The following PRKN variants were observed in gnomAD, a reference collection of about 807,000 sequenced individuals.
PRKN encodes the protein E3 ubiquitin-protein ligase parkin.
In PRKN, 56 loss-of-function variants were observed where a neutral mutation model predicts 59.5. The ratio of observed to expected loss-of-function variants is 0.94; its 90% CI spans 0.76 to 1.18. The LOEUF (loss-of-function observed/expected upper bound fraction) is 1.18, where lower values mean the gene tolerates loss of function less well. Ranked by LOEUF, PRKN falls within the 50% of genes most tolerant of loss-of-function variation. The pLI, the probability that PRKN is intolerant of heterozygous loss-of-function variation, is 0.00. For missense variants in PRKN, 657 were observed against 596.4 expected (o/e 1.10, Z -1.06); for synonymous variants, 250 against 222.1 (o/e 1.13, Z -1.12).
chr6:162,556,342 G>GGGGGGTGT (rs1175202893), intron 1 of PRKN, among the ~76,000 whole-genome samples: 94 of 57,300 alleles, frequency 1.6e-3, no homozygotes, highest in Middle Eastern at 9.6e-3. Flanking sequence ...CTACTCAGCT[G>GGGGGGTGT]GTGTGTGTGT....
intron 1 of PRKN, among the ~76,000 whole-genome samples, chr6:162,563,674 G>A (rs1224159121): frequency 6.6e-6 from 1 of 152,116 alleles, no homozygotes; most frequent in Non-Finnish European, 1.5e-5. Flanking sequence ...AACTAAATAA[G>A]GCACCAGGGA....
intron 3 of PRKN, among the ~76,000 whole-genome samples, chr6:162,244,319 A>G (rs1260198285): frequency 2.0e-5 from 3 of 152,048 alleles, no homozygotes; most frequent in Non-Finnish European, 2.9e-5. Flanking sequence ...ATTCTGTATT[A>G]AAGTACAGAG....
chr6:162,095,030 G>C (rs183861107), intron 4 of PRKN, among the ~76,000 whole-genome samples: 2 of 152,246 alleles, frequency 1.3e-5, no homozygotes, highest in Admixed American at 1.3e-4. Flanking sequence ...AGAGATGGTA[G>C]GTGGACAGAC....
chr6:162,187,444 G>C (rs185330570), intron 4 of PRKN, among the ~76,000 whole-genome samples: 22 of 152,218 alleles, frequency 1.4e-4, no homozygotes, highest in Admixed American at 1.1e-3. Context: ...TCAACACTGA[G>C]GTATCAGAAA....
At chr6:162,081,612 G>C (rs192131203) in intron 4 of PRKN, among the ~76,000 whole-genome samples, 15 of 152,210 alleles carry the variant, frequency 9.9e-5, no homozygotes, top group African/African-American at 2.9e-4. Flanking sequence ...TCCATTTATA[G>C]AGCACAGGCA....
chr6:161,704,681 C>T (rs73597198), intron 7 of PRKN, among the ~76,000 whole-genome samples: 1 of 152,124 alleles, frequency 6.6e-6, no homozygotes, highest in Non-Finnish European at 1.5e-5. Context: ...CAGTACCACA[C>T]CAAGCCCAAA....
rs1788531672 is a variant in PRKN at position 161,429,140 on chromosome 6, A to C, written c.1084-42263T>G. 6.6e-6 allele frequency among the ~76,000 whole-genome samples: 1 copy of C among 152,312 alleles called. No homozygotes were observed. The highest frequency in any genetic ancestry group is 1.5e-5 in the Non-Finnish European group (1 of 68,036). Reference sequence around the variant, plus strand: ...AGATATTCACCTTTCCTTCAGAGTGAATGCTCCTATCACCTATATCACACT... The same window carrying C: ...AGATATTCACCTTTCCTTCAGAGTGCATGCTCCTATCACCTATATCACACT... On this transcript the variant is annotated intron_variant, in intron 9 of 11. Coordinates refer to ENST00000366898, the MANE Select transcript of PRKN (RefSeq NM_004562.3). The surrounding 1 kb of genome is among the most constrained non-coding windows in gnomAD (Gnocchi z 4.2).
intron 1 of PRKN, among the ~76,000 whole-genome samples, chr6:162,481,297 C>T (rs577553265): frequency 2.6e-5 from 4 of 152,140 alleles, no homozygotes; most frequent in African/African-American, 4.8e-5. Flanking sequence ...TTCTTATCTG[C>T]AGAATCCTCA....
chr6:162,693,845 A>G (rs562106381), intron 1 of PRKN, among the ~76,000 whole-genome samples: 1 of 152,374 alleles, frequency 6.6e-6, no homozygotes, highest in Non-Finnish European at 1.5e-5. Context: ...CAACCTGCAC[A>G]TGCATATTTA....
chr6:162,519,712 T>C (rs1778010290), intron 1 of PRKN, among the ~76,000 whole-genome samples: 1 of 152,142 alleles, frequency 6.6e-6, no homozygotes, highest in Admixed American at 6.6e-5. Context: ...TCCAAATGCA[T>C]TTATTTTTAA....
intron 6 of PRKN, among the ~76,000 whole-genome samples, chr6:161,922,258 C>T (rs945500291): frequency 5.3e-5 from 8 of 152,228 alleles, no homozygotes; most frequent in African/African-American, 9.6e-5. Context: ...TCCTGCTTGT[C>T]TTTTAAAATT....
intron 4 of PRKN, among the ~76,000 whole-genome samples, chr6:162,140,151 C>T (rs114809812): frequency 0.02 from 3,073 of 152,252 alleles, 117 homozygotes; most frequent in African/African-American, 0.07. Context: ...TCTGAACATT[C>T]AATTGGGGAT....
At chr6:162,453,907 A>G (rs2128171963) in intron 1 of PRKN, among the ~76,000 whole-genome samples, 1 of 152,250 alleles carries the variant, frequency 6.6e-6, no homozygotes. Flanking sequence ...GTGTCTCCAA[A>G]AAAAAACGAT....
chr6:161,726,631 A>G (rs527482613), intron 7 of PRKN, among the ~76,000 whole-genome samples: 30 of 152,334 alleles, frequency 2.0e-4, no homozygotes, highest in African/African-American at 7.0e-4. Context: ...GTAGATTTAC[A>G]TAAGTGACAT....
intron 9 of PRKN, among the ~76,000 whole-genome samples, chr6:161,437,207 TC>T (rs1788955524): frequency 1.3e-5 from 2 of 152,176 alleles, no homozygotes; most frequent in Non-Finnish European, 2.9e-5. Flanking sequence ...GAATGTGGAC[TC>T]CCGCTCTCTC....
chr6:161,780,543 G>A (rs77420591), intron 7 of PRKN, among the ~76,000 whole-genome samples: 11 of 152,180 alleles, frequency 7.2e-5, no homozygotes, highest in African/African-American at 2.6e-4. Context: ...TTGGCTAAAA[G>A]AATAATGAAT....
chr6:161,975,885 C>T (rs1781011094), intron 5 of PRKN, among the ~76,000 whole-genome samples: 1 of 152,132 alleles, frequency 6.6e-6, no homozygotes, highest in Admixed American at 6.5e-5. Context: ...AAATATGTGA[C>T]TCTCAAAAAT....
intron 2 of PRKN, among the ~76,000 whole-genome samples, chr6:162,314,854 C>A (rs996790857): frequency 6.6e-6 from 1 of 152,120 alleles, no homozygotes; most frequent in Non-Finnish European, 1.5e-5. Context: ...TTGTCTTATA[C>A]TGAACATGGG....
At chr6:162,663,199 A>C (rs1224241696) in intron 1 of PRKN, among the ~76,000 whole-genome samples, 1 of 152,198 alleles carries the variant, frequency 6.6e-6, no homozygotes, top group South Asian at 2.1e-4. Context: ...AATAGTTCAC[A>C]TGGATTAATT....
Sources: gnomAD v4.1 joint callset for allele counts (sites outside exome capture counted in the v4.1 genomes callset) on GRCh38, gnomAD v4.1.1 for gene constraint, Gnocchi (gnomAD v3.1) non-coding constraint, MANE v1.5 for transcripts, NCBI Gene and HGNC (gene_info 2026-07-23, HGNC 2026-07-21) for gene names.